Variants in PLEKHG3 observed in about 807,000 individuals in gnomAD.
PLEKHG3 encodes the protein pleckstrin homology and RhoGEF domain containing G3, also known as pleckstrin homology domain-containing family G member 3.
In PLEKHG3, 62 loss-of-function variants were observed where a neutral mutation model predicts 94.9. The ratio of observed to expected loss-of-function variants is 0.65; its 90% CI spans 0.53 to 0.81. The LOEUF (loss-of-function observed/expected upper bound fraction) is 0.81. Ranked by LOEUF, PLEKHG3 falls within the 30% of genes least tolerant of loss-of-function variation. The pLI, the probability that PLEKHG3 is intolerant of heterozygous loss-of-function variation, is 0.00. For synonymous variants in PLEKHG3, 614 were observed against 654.0 expected, an observed-to-expected ratio of 0.94 and a Z score of 0.93; for missense variants, 1,461 against 1,619.3, an observed-to-expected ratio of 0.90 and a Z score of 1.68.
rs1017703130 is a variant in PLEKHG3 at position 64,730,352 on chromosome 14, G to A, written c.519+40G>A. 10 of 1,269,028 alleles carry A rather than the reference G, an allele frequency of 7.9e-6. No homozygotes were observed. Among genetic ancestry groups the A allele is most frequent in the Admixed American group, 2.0e-5 (1 of 50,610 alleles). The allele number at this position is 1,269,028 out of a possible 1,614,324, so 78.6% of individuals were successfully genotyped here. On this transcript the variant is annotated intron_variant, in intron 4 of 16. Coordinates refer to ENST00000247226, the MANE Select transcript of PLEKHG3 (RefSeq NM_001308147.2). The surrounding 1 kb of genome is among the most constrained non-coding windows in gnomAD (Gnocchi z 5.4). ...GTCCTTGCCTCTGTCCTACCTTGCT[G>A]AGAGCTCAGAGAGACAAGAACTGCC... is the stretch of plus-strand genomic sequence containing the variant.
chr14:64,719,510 A>G (rs748888040), intron 1 of PLEKHG3, among the ~76,000 whole-genome samples: 6 of 152,092 alleles, frequency 3.9e-5, no homozygotes, highest in Non-Finnish European at 8.8e-5. Context: ...GCCCAAGGCC[A>G]CATACAGCCA....
At position 64,741,224 on chromosome 14, in the gene PLEKHG3, T is replaced by A; in HGVS notation, c.1707T>A (p.Thr569=). The A allele has an allele frequency of 6.2e-7, 1 of 1,613,994 alleles. No homozygotes were observed. Among genetic ancestry groups the A allele is most frequent in the African/African-American group, 1.3e-5 (1 of 75,050 alleles). Residue 569 remains threonine (T), a synonymous_variant, in exon 16 of 17, where the codon ACT becomes ACA. Transcript: ENST00000247226. ...TGGACTTCGTGGCAGCTGAGAGCAC[T>A]GAGGACCTTAAGGCCCTGAGCAGCG... ...DMVDFVAAES[T]EDLKALSSEE... is the part of the protein sequence containing the mutation.
In PLEKHG3 at chr14:64,723,068, G is replaced by A. The variant is rs2081290934; in HGVS notation, c.-39-4525G>A. Among the ~76,000 whole-genome samples the A allele has an allele frequency of 6.6e-6, 1 of 152,154 alleles. No individual in the cohort carries two copies. ...GAAGGATGTGGCCCCAGTCTGCTGT[G>A]CTCGGAATCCAGGGGCCTGCTGTAG... On this transcript the variant is annotated intron_variant, in intron 1 of 16. Coordinates refer to ENST00000247226, the MANE Select transcript of PLEKHG3 (RefSeq NM_001308147.2). This position sits in a 1 kb window ranked among gnomAD's most constrained non-coding sequence, Gnocchi z 4.5.
chr14:64,749,400 T>A lies in PLEKHG3; in HGVS notation c.*5697T>A, dbSNP rs2081905790. On this transcript the variant is annotated 3_prime_UTR_variant, in exon 17 of 17. Transcript: ENST00000247226. The surrounding 1 kb of genome is among the most constrained non-coding windows in gnomAD (Gnocchi z 4.7). ...GGAGAGGGAAGGCAGGGGCAGGCTC[T>A]GCGCCTTGACGCGGATGCTCTGGGA... is the stretch of plus-strand genomic sequence containing the variant. 6.2e-7 allele frequency: 1 copy of A among 1,608,954 alleles called. No homozygotes were observed. The highest frequency in any genetic ancestry group is 1.7e-5 in the Admixed American group (1 of 59,964).
At chr14:64,734,364 C>T (rs185805890) in intron 12 of PLEKHG3, among the ~76,000 whole-genome samples, 37 of 152,268 alleles carry the variant, frequency 2.4e-4, no homozygotes, top group African/African-American at 8.4e-4. Context: ...AAGCTTCTAG[C>T]ACACTGATGT....
Position 64,727,521 on chromosome 14 carries a change from T to G in PLEKHG3, c.-39-72T>G. ...TTCCCACCCCACCTGCCCCCACCCC[T>G]GGCAACCGTCCCTCTGTTCTGTTTC... is the stretch of plus-strand genomic sequence containing the variant. On this transcript the variant is annotated intron_variant, in intron 1 of 16. Transcript: ENST00000247226. This position sits in a 1 kb window ranked among gnomAD's most constrained non-coding sequence, Gnocchi z 6.0. The G allele has an allele frequency of 3.6e-6, 1 of 281,348 alleles. No individual in the cohort carries two copies. The highest frequency in any genetic ancestry group is 7.0e-6 in the Non-Finnish European group (1 of 143,742). The allele number at this position is 281,348 out of a possible 1,614,324, so 17.4% of individuals were successfully genotyped here.
Position 64,732,680 on chromosome 14 carries a change from C to T in PLEKHG3, c.1247-123C>T, listed in dbSNP as rs1171058152. On this transcript the variant is annotated intron_variant, in intron 11 of 16. Coordinates refer to ENST00000247226, the MANE Select transcript of PLEKHG3 (RefSeq NM_001308147.2). This position sits in a 1 kb window ranked among gnomAD's most constrained non-coding sequence, Gnocchi z 4.9. The stretch of plus-strand genomic sequence containing the variant: ...GCTCCCAGCTGGAAGATGGAGGGAG[C>T]TCTGGAGGCTCCTGGCCCTGGAGCT... The T allele has an allele frequency of 5.1e-6, 4 of 781,890 alleles. No individual in the cohort carries two copies. Among genetic ancestry groups the T allele is most frequent in the Non-Finnish European group, 6.4e-6 (3 of 471,230 alleles). The allele number at this position is 781,890 out of a possible 1,614,324, so 48.4% of individuals were successfully genotyped here. A position where few individuals can be genotyped will look rare whatever the true frequency, so the allele number is the denominator to read the frequency against.
chr14:64,741,476 G>T lies in PLEKHG3; in HGVS notation c.1959G>T (p.Arg653=). The T allele has an allele frequency of 1.9e-6, 3 of 1,612,658 alleles. No homozygotes were observed. Among genetic ancestry groups the T allele is most frequent in the Non-Finnish European group, 2.5e-6 (3 of 1,180,004 alleles). The change falls in exon 16 of 17, where the codon CGG becomes CGT. Residue 653 remains arginine, a synonymous_variant. Coordinates refer to ENST00000247226, the MANE Select transcript of PLEKHG3 (RefSeq NM_001308147.2). ...AGGGCAGCGAGAAGGGCCTGGCCCG[G>T]CATGGCAGTGCCACAGACTCCCTCA... ...SLEGSEKGLA[R]HGSATDSLSC...
At chr14:64,705,175 G>A (rs1324834794) in intron 1 of PLEKHG3, among the ~76,000 whole-genome samples, 1 of 152,194 alleles carries the variant, frequency 6.6e-6, no homozygotes, top group Non-Finnish European at 1.5e-5. Context: ...TCGCTGTTGG[G>A]AATCTCGGCT....
chr14:64,741,943 G>A lies in PLEKHG3; in HGVS notation c.2426G>A (p.Arg809His), dbSNP rs777566557. ...DPPPISDAEF[R>H]PSSEIVKIWE... ...CCTCCCATCTCAGATGCTGAGTTCC[G>A]CCCATCTTCAGAAATTGTGAAGATC... The change falls in exon 16 of 17, where the codon CGC (arginine) becomes CAC (histidine). Residue 809 changes from arginine (R) to histidine (H), a missense_variant. This residue lies in a region of PLEKHG3 where 1,201 missense variants were observed against 1,295.5 expected (regional missense o/e 0.93). Coordinates refer to ENST00000247226, the MANE Select transcript of PLEKHG3 (RefSeq NM_001308147.2). The A allele has an allele frequency of 1.5e-5, 23 of 1,579,662 alleles. No individual in the cohort carries two copies. Among genetic ancestry groups the A allele is most frequent in the Non-Finnish European group, 1.7e-5 (20 of 1,164,956 alleles).
rs551145607 is a variant in PLEKHG3 at position 64,717,537 on chromosome 14, G to T, written c.-39-10056G>T. 7.9e-4 allele frequency among the ~76,000 whole-genome samples: 120 copies of T among 152,200 alleles called. No homozygotes were observed. Among genetic ancestry groups the T allele is most frequent in the Non-Finnish European group, 1.4e-3 (96 of 68,038 alleles). ...AGCTGCTGGCCTGAAATTCCTCTGA[G>T]AGATTTCTTCCATTTAAGAACTGGC... On this transcript the variant is annotated intron_variant, in intron 1 of 16. Transcript: ENST00000247226. This position sits in a 1 kb window ranked among gnomAD's most constrained non-coding sequence, Gnocchi z 4.7.
Position 64,742,962 on chromosome 14 carries a change from A to G in PLEKHG3, c.2939-20A>G, listed in dbSNP as rs41301473. 230,560 of 1,611,326 alleles carry G rather than the reference A, an allele frequency of 0.14. 17,313 individuals are homozygous for G. Among genetic ancestry groups the G allele is most frequent in the Middle Eastern group, 0.19 (1,119 of 6,030 alleles). The stretch of plus-strand genomic sequence containing the variant: ...TGCCCTCCCGCCCCATGCTTCAGGC[A>G]GCTTGCTCTCTCCTCATAGGTAAGA... On this transcript the variant is annotated intron_variant, in intron 16 of 16. Coordinates refer to ENST00000247226, the MANE Select transcript of PLEKHG3 (RefSeq NM_001308147.2).
At position 64,721,747 on chromosome 14, in the gene PLEKHG3, G is replaced by C. The variant is rs2081265601; in HGVS notation, c.-39-5846G>C. Reference sequence around the variant, plus strand: ...GGGGTCAGAGTGAGGAAACTGCTGGGAAAGGGGGCAAGGGTCCCCTAGGAG... The same window carrying C: ...GGGGTCAGAGTGAGGAAACTGCTGGCAAAGGGGGCAAGGGTCCCCTAGGAG... On this transcript the variant is annotated intron_variant, in intron 1 of 16. Transcript: ENST00000247226. This position sits in a 1 kb window ranked among gnomAD's most constrained non-coding sequence, Gnocchi z 4.3. Among the ~76,000 whole-genome samples the C allele has an allele frequency of 6.6e-6, 1 of 152,172 alleles. No individual in the cohort carries two copies. Among genetic ancestry groups the C allele is most frequent in the Non-Finnish European group, 1.5e-5 (1 of 68,022 alleles).
In PLEKHG3 at chr14:64,742,111, C is replaced by A; in HGVS notation, c.2594C>A (p.Ser865Tyr). The change falls in exon 16 of 17, where the codon TCC becomes TAC. Residue 865 changes from serine to tyrosine, a missense_variant. Ser to Tyr is a moderately radical substitution (Grantham distance 144). This residue lies in a region of PLEKHG3 where 1,201 missense variants were observed against 1,295.5 expected (regional missense o/e 0.93). Coordinates refer to ENST00000247226, the MANE Select transcript of PLEKHG3 (RefSeq NM_001308147.2). ...GAITEESATA[S>Y]PESSSPTEGR... ...ATCACAGAGGAGTCGGCCACTGCCT[C>A]CCCGGAAAGCTCCTCTCCCACTGAG... is the stretch of plus-strand genomic sequence containing the variant. The A allele has an allele frequency of 6.2e-7, 1 of 1,610,486 alleles. No individual in the cohort carries two copies. The highest frequency in any genetic ancestry group is 1.1e-5 in the South Asian group (1 of 91,080).
chr14:64,710,337 A>G (rs757922795), intron 1 of PLEKHG3, among the ~76,000 whole-genome samples: 18 of 152,202 alleles, frequency 1.2e-4, no homozygotes, highest in Non-Finnish European at 2.6e-4. Context: ...CATATAAGCT[A>G]TGTCATGCTA....
intron 1 of PLEKHG3, among the ~76,000 whole-genome samples, chr14:64,713,544 A>G (rs2081091452): frequency 6.6e-6 from 1 of 152,256 alleles, no homozygotes; most frequent in Non-Finnish European, 1.5e-5. Flanking sequence ...CAACAAAGTT[A>G]TCCAATTCAT....
rs752592669 is a variant in PLEKHG3 at position 64,731,441 on chromosome 14, C to T, written c.930C>T (p.Arg310=). 28 of 1,613,744 alleles carry T rather than the reference C, an allele frequency of 1.7e-5. No individual in the cohort carries two copies. The highest frequency in any genetic ancestry group is 1.2e-4 in the South Asian group (11 of 91,082). Residue 310 remains arginine, a synonymous_variant, in exon 8 of 17, where the codon CGC becomes CGT. Coordinates refer to ENST00000247226, the MANE Select transcript of PLEKHG3 (RefSeq NM_001308147.2). This position sits in a 1 kb window ranked among gnomAD's most constrained non-coding sequence, Gnocchi z 6.1. The stretch of plus-strand genomic sequence containing the variant: ...AGCTTGTCCTGGAGGGCACATTCCG[C>T]GTGCATCGCGTGCGCAATGAAAGGA... The part of the protein sequence containing the change: ...YGELVLEGTF[R]VHRVRNERTF...
Position 64,732,588 on chromosome 14 carries a change from G to A in PLEKHG3, c.1246+128G>A. The A allele has an allele frequency of 1.2e-6, 1 of 863,042 alleles. No individual in the cohort carries two copies. Among genetic ancestry groups the A allele is most frequent in the South Asian group, 1.4e-5 (1 of 69,710 alleles). The allele number at this position is 863,042 out of a possible 1,614,324, so 53.5% of individuals were successfully genotyped here. A position where few individuals can be genotyped will look rare whatever the true frequency, so the allele number is the denominator to read the frequency against. ...GGGAGGGCGGGGGTCTCCTGTTAAG[G>A]GCTGGGGGGTGAACTACATGATTAA... On this transcript the variant is annotated intron_variant, in intron 11 of 16. Coordinates refer to ENST00000247226, the MANE Select transcript of PLEKHG3 (RefSeq NM_001308147.2). The surrounding 1 kb of genome is among the most constrained non-coding windows in gnomAD (Gnocchi z 4.9).
chr14:64,738,635 A>G lies in PLEKHG3; in HGVS notation c.1405-107A>G. ...TGGCTCAGGTCCAAGACTGGCTCTCAGCTCAGCCCAGCCCCTTGGGGCGTG... is the reference window on the plus strand; with the variant it reads ...TGGCTCAGGTCCAAGACTGGCTCTCGGCTCAGCCCAGCCCCTTGGGGCGTG... On this transcript the variant is annotated intron_variant, in intron 14 of 16. Transcript: ENST00000247226. This position sits in a 1 kb window ranked among gnomAD's most constrained non-coding sequence, Gnocchi z 4.8. 1.2e-6 allele frequency: 1 copy of G among 803,588 alleles called. No individual in the cohort carries two copies. The highest frequency in any genetic ancestry group is 2.1e-6 in the Non-Finnish European group (1 of 482,036). The allele number at this position is 803,588 out of a possible 1,614,324, so 49.8% of individuals were successfully genotyped here.
Sources: allele counts gnomAD v4.1 joint callset (sites outside exome capture counted in the v4.1 genomes callset), GRCh38; gene constraint gnomAD v4.1.1; regional missense constraint gnomAD v4.1.1; non-coding constraint Gnocchi (gnomAD v3.1); transcripts MANE v1.5; gene names NCBI Gene and HGNC (gene_info 2026-07-23, HGNC 2026-07-21).